COL26A1: variants seen among roughly 807,000 people sequenced by gnomAD.
COL26A1 encodes collagen type XXVI alpha 1 chain.
In COL26A1, 41 loss-of-function variants were observed where a neutral mutation model predicts 59.3. That is an observed-to-expected ratio of 0.69 (90% CI 0.54 to 0.90). COL26A1 has a LOEUF of 0.90. Among genes scored for constraint, COL26A1 ranks in the 40% least tolerant of loss-of-function variants. The pLI, the probability that COL26A1 is intolerant of heterozygous loss-of-function variation, is 0.00. For missense variants in COL26A1, 612 were observed against 602.3 expected (o/e 1.02, Z -0.17); for synonymous variants, 266 against 256.0 (o/e 1.04, Z -0.37).
intron 1 of COL26A1, among the ~76,000 whole-genome samples, chr7:101,380,631 C>T (rs1791424545): frequency 6.6e-6 from 1 of 152,118 alleles, no homozygotes; most frequent in Non-Finnish European, 1.5e-5. Flanking sequence ...CACAAGATCT[C>T]AGAACTGTCT....
At chr7:101,487,511 G>A (rs529257687) in intron 3 of COL26A1, among the ~76,000 whole-genome samples, 3 of 151,954 alleles carry the variant, frequency 2.0e-5, no homozygotes, top group Non-Finnish European at 2.9e-5. Context: ...TGCCCTCCCT[G>A]CCATCTTGGC....
intron 3 of COL26A1, among the ~76,000 whole-genome samples, chr7:101,450,046 C>T (rs966376608): frequency 9.9e-5 from 15 of 151,770 alleles, no homozygotes; most frequent in African/African-American, 3.2e-4. Flanking sequence ...ATCGCTTGAA[C>T]CCAGGAGGCA....
At position 101,538,701 on chromosome 7, in the gene COL26A1, G is replaced by A. The variant is rs561773569; in HGVS notation, c.448-1192G>A. Reference sequence around the variant, plus strand: ...CCAGGGGGCCCAGCCAGAACCCTGGGTGCAGGGTCAGAGCCCTGAGCAGCC... The same window carrying A: ...CCAGGGGGCCCAGCCAGAACCCTGGATGCAGGGTCAGAGCCCTGAGCAGCC... On this transcript the variant is annotated intron_variant, in intron 4 of 12. Coordinates refer to ENST00000313669, the MANE Select transcript of COL26A1 (RefSeq NM_001278563.3). 1.5e-4 allele frequency among the ~76,000 whole-genome samples: 23 copies of A among 152,268 alleles called. No homozygotes were observed. The South Asian group carries it at 4.1e-3, about 27-fold the overall frequency.
intron 3 of COL26A1, among the ~76,000 whole-genome samples, chr7:101,524,082 C>T (rs1795191325): frequency 2.0e-5 from 3 of 151,954 alleles, no homozygotes; most frequent in Admixed American, 2.0e-4. Flanking sequence ...CCAGCATGAC[C>T]AACATGGTGA....
At chr7:101,425,714 G>T (rs1792629081) in intron 2 of COL26A1, among the ~76,000 whole-genome samples, 2 of 151,798 alleles carry the variant, frequency 1.3e-5, no homozygotes, top group African/African-American at 4.8e-5. Context: ...TGTTGGCCAT[G>T]TCGGTCTCGA....
At chr7:101,479,981 T>C (rs1584445692) in intron 3 of COL26A1, among the ~76,000 whole-genome samples, 1 of 152,226 alleles carries the variant, frequency 6.6e-6, no homozygotes, top group Non-Finnish European at 1.5e-5. Flanking sequence ...TACTGTACTA[T>C]TGAATACTAA....
intron 1 of COL26A1, among the ~76,000 whole-genome samples, chr7:101,394,338 G>C (rs1584368597): frequency 2.0e-5 from 3 of 152,064 alleles, no homozygotes; most frequent in Non-Finnish European, 4.4e-5. Flanking sequence ...CTCATTTCTA[G>C]AATGATAAGA....
At chr7:101,459,331 G>A (rs947847295) in intron 3 of COL26A1, among the ~76,000 whole-genome samples, 10 of 151,736 alleles carry the variant, frequency 6.6e-5, no homozygotes, top group Middle Eastern at 6.5e-3. Flanking sequence ...ACGGAGTCTC[G>A]CTCTGTCACC....
At chr7:101,447,993 G>A (rs1423385834) in intron 3 of COL26A1, among the ~76,000 whole-genome samples, 2 of 152,246 alleles carry the variant, frequency 1.3e-5, no homozygotes, top group Non-Finnish European at 2.9e-5. Context: ...GGGCACCGAG[G>A]CAGGTCCTAG....
intron 2 of COL26A1, among the ~76,000 whole-genome samples, chr7:101,431,556 G>T (rs1469266347): frequency 6.6e-6 from 1 of 151,972 alleles, no homozygotes; most frequent in African/African-American, 2.4e-5. Context: ...CACCATGCCC[G>T]GCTGTAAGGT....
chr7:101,485,354 C>T (rs1453922509), intron 3 of COL26A1, among the ~76,000 whole-genome samples: 2 of 152,142 alleles, frequency 1.3e-5, no homozygotes, highest in African/African-American at 4.8e-5. Context: ...CACATCAGGC[C>T]AGACACATGC....
At chr7:101,532,567 C>G (rs561942643) in intron 3 of COL26A1, among the ~76,000 whole-genome samples, 1 of 152,294 alleles carries the variant, frequency 6.6e-6, no homozygotes, top group Non-Finnish European at 1.5e-5. Flanking sequence ...TTTCTCAGGT[C>G]TCATCTTTGA....
At chr7:101,508,280 T>G (rs6948794) in intron 3 of COL26A1, among the ~76,000 whole-genome samples, 42,533 of 151,780 alleles carry the variant, frequency 0.28, 8,743 homozygotes, top group African/African-American at 0.59. Flanking sequence ...CGAACAGTTT[T>G]GGAAGCCTAG....
At chr7:101,438,518 T>C (rs1485419114) in intron 2 of COL26A1, among the ~76,000 whole-genome samples, 1 of 151,480 alleles carries the variant, frequency 6.6e-6, no homozygotes. Context: ...TTTCTGTTGG[T>C]GTGGACCAAG....
intron 10 of COL26A1, 95 bp downstream of exon 10, chr7:101,551,238 T>TGGGGGGGGGGGGC: frequency 4.1e-6 from 2 of 491,350 alleles, no homozygotes; most frequent in Non-Finnish European, 4.0e-6. Flanking sequence ...GGTGGGGGGG[T>TGGGGGGGGGGGGC]TCAGCCCTGG....
chr7:101,385,227 C>CTATATATAT (rs1375842083), intron 1 of COL26A1, among the ~76,000 whole-genome samples: 20 of 139,402 alleles, frequency 1.4e-4, no homozygotes, highest in African/African-American at 4.7e-4. Context: ...CACACACACA[C>CTATATATAT]ACACTATATA....
At chr7:101,376,119 A>ACAG (rs1490207886) in intron 1 of COL26A1, among the ~76,000 whole-genome samples, 1 of 146,514 alleles carries the variant, frequency 6.8e-6, no homozygotes, top group East Asian at 2.0e-4. Flanking sequence ...TTGGCAATAT[A>ACAG]GCAAGACCCT....
At chr7:101,547,761 A>T (rs938509349) in intron 8 of COL26A1, among the ~76,000 whole-genome samples, 9 of 152,128 alleles carry the variant, frequency 5.9e-5, no homozygotes, top group African/African-American at 2.2e-4. Context: ...TTATTCATTC[A>T]TTTATTCATT....
intron 5 of COL26A1, among the ~76,000 whole-genome samples, chr7:101,543,314 C>T (rs566403015): frequency 1.1e-4 from 17 of 152,114 alleles, no homozygotes; most frequent in East Asian, 7.7e-4. Context: ...GGGCCACAGG[C>T]GTGCACCACT....
Sources: gnomAD v4.1 joint callset for allele counts (sites outside exome capture counted in the v4.1 genomes callset) on GRCh38, gnomAD v4.1.1 for gene constraint, MANE v1.5 for transcripts, NCBI Gene and HGNC (gene_info 2026-07-23, HGNC 2026-07-21) for gene names.